BMP2K: variants seen among roughly 807,000 people sequenced by gnomAD.
The protein encoded by BMP2K is BMP2 inducible kinase, also known as BMP-2-inducible protein kinase.
A neutral mutation model predicts 116.0 loss-of-function variants in BMP2K; 74 were observed. That is an observed-to-expected ratio of 0.64 (90% CI 0.53 to 0.77). BMP2K has a LOEUF of 0.77. Among genes scored for constraint, BMP2K ranks in the 30% least tolerant of loss-of-function variants. The pLI is 0.00. For synonymous variants in BMP2K, 486 were observed against 502.5 expected (o/e 0.97, Z 0.44); for missense variants, 1,365 against 1,403.6 (o/e 0.97, Z 0.44).
At chr4:78,880,252 A>G (rs896759355) in intron 14 of BMP2K, among the ~76,000 whole-genome samples, 1 of 152,106 alleles carries the variant, frequency 6.6e-6, no homozygotes, top group Non-Finnish European at 1.5e-5. Flanking sequence ...TTGTATTTTT[A>G]GTAGAGATGG....
In BMP2K at chr4:78,911,028, A is replaced by G. The variant is rs1401884846; in HGVS notation, c.2481A>G (p.Gly827=). 6.2e-7 allele frequency: 1 copy of G among 1,613,784 alleles called. No homozygotes were observed. Among genetic ancestry groups the G allele is most frequent in the South Asian group, 1.1e-5 (1 of 91,060 alleles). ...SSVYRDRSGS[G]PTQDLNTILL... ...TCTACAGAGACAGATCTGGCAGTGG[A>G]CCAACCCAAGATCTTAATACAATAC... Residue 827 remains glycine, a synonymous_variant, in exon 16 of 16, where the codon GGA becomes GGG. Transcript: ENST00000502613.
intron 1 of BMP2K, among the ~76,000 whole-genome samples, chr4:78,776,984 G>C (rs943381042): frequency 6.6e-6 from 1 of 152,172 alleles, no homozygotes; most frequent in Non-Finnish European, 1.5e-5. Context: ...AAAATAGGTA[G>C]TAGACGGGCT....
chr4:78,858,891 G>C (rs1444085111), intron 7 of BMP2K, among the ~76,000 whole-genome samples: 1 of 151,886 alleles, frequency 6.6e-6, no homozygotes, highest in Non-Finnish European at 1.5e-5. Context: ...AATTATCCAA[G>C]AAGTGGAGTA....
At position 78,915,662 on chromosome 4, in the gene BMP2K, A is replaced by G. The variant is rs981230001; in HGVS notation, c.*3629A>G. 3.3e-5 allele frequency: 5 copies of G among 151,898 alleles called. No homozygotes were observed. The highest frequency in any genetic ancestry group is 1.2e-4 in the African/African-American group (5 of 41,406). The allele number at this position is 151,898 out of a possible 1,614,324, so 9.4% of individuals were successfully genotyped here. On this transcript the variant is annotated 3_prime_UTR_variant, in exon 16 of 16. Transcript: ENST00000502613. ...ACACACATGCATGTCACATCTCTCT[A>G]CTGTGGAGTTAATGTGAATTTTTAA...
chr4:78,864,226 G>A (rs1731934185), intron 9 of BMP2K, among the ~76,000 whole-genome samples: 1 of 152,022 alleles, frequency 6.6e-6, no homozygotes, highest in Admixed American at 6.6e-5. Flanking sequence ...TGTACTAGCC[G>A]TTTAATACAG....
chr4:78,837,920 G>A (rs1404948576), intron 3 of BMP2K, among the ~76,000 whole-genome samples: 2 of 152,160 alleles, frequency 1.3e-5, no homozygotes, highest in Non-Finnish European at 2.9e-5. Context: ...TGCGATTAAG[G>A]GCAGAACCAG....
At chr4:78,879,185 A>C (rs1208633154) in intron 14 of BMP2K, 2 of 1,081,576 alleles carry the variant, frequency 1.8e-6, no homozygotes, top group East Asian at 1.2e-4. Context: ...AAACATGGAA[A>C]ATTGATGTTT....
rs760623713 is a variant in BMP2K, at chr4:78,911,564, A to C, written c.3017A>C (p.Lys1006Thr). Residue 1006 changes from lysine (K) to threonine (T), a missense_variant, in exon 16 of 16, where the codon AAG (lysine) becomes ACG (threonine). By Grantham distance (78) the Lys-to-Thr change is moderately conservative. Around this residue, in one of 3 missense-constraint regions of BMP2K, gnomAD observed 596 missense variants for 623.2 expected, o/e 0.96. Coordinates refer to ENST00000502613, the MANE Select transcript of BMP2K (RefSeq NM_198892.2). ...RHHGTPTSTK[K>T]TLKPTYRTPE... ...CATGGCACGCCAACTAGCACAAAGA[A>C]GACTTTGAAGCCTACCTATCGCACT... 1.1e-5 allele frequency: 17 copies of C among 1,613,950 alleles called. No homozygotes were observed. Among genetic ancestry groups the C allele is most frequent in the East Asian group, 2.2e-5 (1 of 44,886 alleles).
In BMP2K at chr4:78,776,694, G is replaced by C. The variant is rs765379124; in HGVS notation, c.151G>C (p.Val51Leu). The change falls in exon 1 of 16, where the codon GTC becomes CTC. Residue 51 changes from valine (V) to leucine (L), a missense_variant. This residue lies in a region of BMP2K where 762 missense variants were observed against 756.7 expected (regional missense o/e 1.01). Coordinates refer to ENST00000502613, the MANE Select transcript of BMP2K (RefSeq NM_198892.2). ...VRVFAVGRHQ[V>L]TLEESLAEGG... ...GGTGTTCGCGGTCGGCCGCCACCAG[G>C]TCACCCTGGAAGAGTCGCTGGCCGA... 3.0e-4 allele frequency: 379 copies of C among 1,259,808 alleles called. 1 individual carries two copies. Among genetic ancestry groups the C allele is most frequent in the Middle Eastern group, 1.2e-3 (4 of 3,220 alleles). The allele number at this position is 1,259,808 out of a possible 1,614,324, so 78.0% of individuals were successfully genotyped here.
At chr4:78,890,227 A>G (rs1733356807) in intron 15 of BMP2K, among the ~76,000 whole-genome samples, 1 of 152,056 alleles carries the variant, frequency 6.6e-6, no homozygotes. Flanking sequence ...TTTCCTACTT[A>G]AACTCCTTAG....
chr4:78,785,815 C>T (rs1383527449), intron 1 of BMP2K, among the ~76,000 whole-genome samples: 5 of 152,110 alleles, frequency 3.3e-5, no homozygotes, highest in Non-Finnish European at 5.9e-5. Flanking sequence ...ATTATATTAG[C>T]ATTTGGACTG....
chr4:78,876,060 A>AT (rs1225452827), intron 13 of BMP2K, among the ~76,000 whole-genome samples: 2 of 152,308 alleles, frequency 1.3e-5, no homozygotes, highest in East Asian at 1.9e-4. Context: ...ACTTGTAGAC[A>AT]TTTTTTAATA....
intron 1 of BMP2K, among the ~76,000 whole-genome samples, chr4:78,800,317 A>C (rs1373162873): frequency 6.6e-6 from 1 of 152,222 alleles, no homozygotes; most frequent in African/African-American, 2.4e-5. Flanking sequence ...TGAGATAGTT[A>C]TACAAAGTGC....
At chr4:78,845,337 T>C (rs1357608931) in intron 5 of BMP2K, among the ~76,000 whole-genome samples, 3 of 151,654 alleles carry the variant, frequency 2.0e-5, no homozygotes, top group Middle Eastern at 6.3e-3. Context: ...GATTATTGAA[T>C]TCAGTTAAAC....
At chr4:78,863,446 A>G (rs1000820833) in intron 9 of BMP2K, among the ~76,000 whole-genome samples, 1 of 152,096 alleles carries the variant, frequency 6.6e-6, no homozygotes, top group African/African-American at 2.4e-5. Flanking sequence ...CATCTCCCCA[A>G]ACTTTGCATC....
chr4:78,815,758 A>G (rs1378200862), intron 1 of BMP2K, among the ~76,000 whole-genome samples: 1 of 152,134 alleles, frequency 6.6e-6, no homozygotes. Flanking sequence ...CAAGATAATA[A>G]TTATTTTCTT....
At chr4:78,885,661 T>C (rs545120324) in intron 14 of BMP2K, among the ~76,000 whole-genome samples, 1 of 152,322 alleles carries the variant, frequency 6.6e-6, no homozygotes, top group African/African-American at 2.4e-5. Context: ...TCTTGGAATA[T>C]AGGTCAGTCT....
intron 15 of BMP2K, among the ~76,000 whole-genome samples, chr4:78,898,053 G>A (rs1733797048): frequency 6.6e-6 from 1 of 152,198 alleles, no homozygotes; most frequent in African/African-American, 2.4e-5. Flanking sequence ...TAAGCCCTGA[G>A]AAATGAATGC....
intron 7 of BMP2K, among the ~76,000 whole-genome samples, chr4:78,857,192 GTTC>G (rs1453359169): frequency 1.3e-5 from 2 of 151,976 alleles, no homozygotes; most frequent in Non-Finnish European, 1.5e-5. Context: ...AATATTTTCT[GTTC>G]TTCTTTATTA....
Sources: gnomAD v4.1 joint callset for allele counts (sites outside exome capture counted in the v4.1 genomes callset) on GRCh38, gnomAD v4.1.1 for gene constraint, gnomAD v4.1.1 regional missense constraint, MANE v1.5 for transcripts, NCBI Gene and HGNC (gene_info 2026-07-23, HGNC 2026-07-21) for gene names.